The following LINGO2 variants were observed in gnomAD, a reference collection of about 807,000 sequenced individuals.
The protein encoded by LINGO2 is leucine rich repeat and Ig domain containing 2.
A neutral mutation model predicts 30.6 loss-of-function variants in LINGO2; 14 were observed. That is an observed-to-expected ratio of 0.46 (90% CI 0.30 to 0.72). LINGO2 has a LOEUF of 0.72. LINGO2 is among the 30% of genes least tolerant of loss of function. The probability of loss-of-function intolerance (pLI) is 0.07; values close to 1 mark genes in which losing one functional copy is unlikely to be tolerated. For missense variants in LINGO2, 729 were observed against 751.7 expected (o/e 0.97, Z 0.35); for synonymous variants, 317 against 288.5 (o/e 1.10, Z -1.00).
At chr9:28,287,451 T>A (rs974797141) in intron 4 of LINGO2, among the ~76,000 whole-genome samples, 11 of 152,212 alleles carry the variant, frequency 7.2e-5, no homozygotes, top group African/African-American at 2.7e-4. Flanking sequence ...CCTTAAAATA[T>A]CCCCTATTAT....
intron 1 of LINGO2, among the ~76,000 whole-genome samples, chr9:28,668,401 CTT>C (rs1212814085): frequency 6.6e-6 from 1 of 151,998 alleles, no homozygotes; most frequent in East Asian, 1.9e-4. Context: ...TTGCCTTAAA[CTT>C]CGGTTAAAAT....
chr9:28,178,360 G>A (rs1828805835), intron 4 of LINGO2, among the ~76,000 whole-genome samples: 2 of 152,082 alleles, frequency 1.3e-5, no homozygotes, highest in South Asian at 4.1e-4. Context: ...CTTGGAACAT[G>A]AAATGACTTA....
chr9:28,927,763 T>C, the LINGO2 span, among the ~76,000 whole-genome samples: 1 of 152,244 alleles, frequency 6.6e-6, no homozygotes, highest in African/African-American at 2.4e-5. Flanking sequence ...GGCATTTATA[T>C]ATGTTAATTC....
chr9:28,773,024 A>C, the LINGO2 span, among the ~76,000 whole-genome samples: 1 of 152,154 alleles, frequency 6.6e-6, no homozygotes, highest in African/African-American at 2.4e-5. Flanking sequence ...TAATCACATA[A>C]AAGTGAAATG....
the LINGO2 span, among the ~76,000 whole-genome samples, chr9:28,993,198 C>A: frequency 6.6e-6 from 1 of 151,924 alleles, no homozygotes; most frequent in Non-Finnish European, 1.5e-5. Context: ...CCACCAATCC[C>A]ACAGAAATAC....
intron 3 of LINGO2, among the ~76,000 whole-genome samples, chr9:28,313,115 A>G (rs1455271645): frequency 1.3e-5 from 2 of 151,860 alleles, no homozygotes; most frequent in Non-Finnish European, 2.9e-5. Context: ...TTAATCACTC[A>G]TTTCCTATAT....
intron 1 of LINGO2, among the ~76,000 whole-genome samples, chr9:28,561,169 C>A (rs1185574648): frequency 6.6e-6 from 1 of 151,962 alleles, no homozygotes; most frequent in Non-Finnish European, 1.5e-5. Context: ...CACTAATTTT[C>A]TCTTACCATA....
chr9:28,558,412 A>G (rs1822865467), intron 1 of LINGO2, among the ~76,000 whole-genome samples: 2 of 151,994 alleles, frequency 1.3e-5, no homozygotes, highest in South Asian at 2.1e-4. Context: ...TAGTATGCAT[A>G]TTCCTCCTTT....
At chr9:28,557,572 T>G (rs1307605124) in intron 1 of LINGO2, among the ~76,000 whole-genome samples, 12 of 152,078 alleles carry the variant, frequency 7.9e-5, no homozygotes, top group African/African-American at 2.7e-4. Flanking sequence ...GTTCAACCAT[T>G]GTGGAAGTCA....
rs116602995 is a variant in LINGO2 at position 28,060,978 on chromosome 9, T to C, written c.-86-48573A>G. On this transcript the variant is annotated intron_variant, in intron 4 of 5. Coordinates refer to ENST00000379992, the Ensembl canonical transcript of LINGO2. ...CAGATATCAATTTCAATCCCCATTTTTTAGAGAGGCTTTTCTTCCTCTCCC... is the reference window on the plus strand; with the variant it reads ...CAGATATCAATTTCAATCCCCATTTCTTAGAGAGGCTTTTCTTCCTCTCCC... Among the ~76,000 whole-genome samples the C allele has an allele frequency of 6.4e-3, 981 of 152,162 alleles. 20 individuals are homozygous for C. Among genetic ancestry groups the C allele is most frequent in the South Asian group, 0.048 (231 of 4,806 alleles).
At chr9:29,032,769 A>G in the LINGO2 span, among the ~76,000 whole-genome samples, 3 of 152,184 alleles carry the variant, frequency 2.0e-5, no homozygotes, top group African/African-American at 7.2e-5. Context: ...AAAATAAAAT[A>G]TTCAGTTCCT....
intron 1 of LINGO2, among the ~76,000 whole-genome samples, chr9:28,514,762 A>G (rs769288108): frequency 6.6e-6 from 1 of 152,202 alleles, no homozygotes; most frequent in Non-Finnish European, 1.5e-5. Context: ...TGGCTAAGAC[A>G]GTTGATGAAT....
At chr9:28,059,096 G>A (rs1825057124) in intron 4 of LINGO2, among the ~76,000 whole-genome samples, 1 of 152,108 alleles carries the variant, frequency 6.6e-6, no homozygotes, top group Non-Finnish European at 1.5e-5. Context: ...GAGGGAAACT[G>A]AGGCAGGGCT....
chr9:28,594,338 A>ATCATGGT (rs1383692385), intron 1 of LINGO2, among the ~76,000 whole-genome samples: 2 of 152,106 alleles, frequency 1.3e-5, no homozygotes, highest in Non-Finnish European at 2.9e-5. Flanking sequence ...TGCCAAAATT[A>ATCATGGT]TCATGGTTCA....
intron 4 of LINGO2, among the ~76,000 whole-genome samples, chr9:28,281,726 A>G (rs1205515109): frequency 6.6e-6 from 1 of 152,092 alleles, no homozygotes; most frequent in Non-Finnish European, 1.5e-5. Context: ...TATGTTACTG[A>G]TTGAATCACA....
intron 1 of LINGO2, among the ~76,000 whole-genome samples, chr9:28,577,196 A>G (rs1308397418): frequency 6.6e-6 from 1 of 152,180 alleles, no homozygotes; most frequent in Non-Finnish European, 1.5e-5. Flanking sequence ...TATTTAAATG[A>G]TTATTAGCTC....
At chr9:28,152,333 C>T (rs1280258869) in intron 4 of LINGO2, among the ~76,000 whole-genome samples, 1 of 152,090 alleles carries the variant, frequency 6.6e-6, no homozygotes, top group African/African-American at 2.4e-5. Flanking sequence ...TTCTTTCTCG[C>T]CATGTGACCT....
chr9:28,866,702 T>C, the LINGO2 span, among the ~76,000 whole-genome samples: 2 of 152,298 alleles, frequency 1.3e-5, no homozygotes, highest in East Asian at 3.9e-4. Context: ...GTGCTGTTAG[T>C]GTGAAAATCA....
chr9:28,802,836 C>A, the LINGO2 span, among the ~76,000 whole-genome samples: 2 of 151,988 alleles, frequency 1.3e-5, no homozygotes, highest in Admixed American at 6.6e-5. Flanking sequence ...GGCTCTAGTT[C>A]TCTCACTGCT....
Sources: allele counts gnomAD v4.1 joint callset (sites outside exome capture counted in the v4.1 genomes callset), GRCh38; gene constraint gnomAD v4.1.1; transcripts MANE v1.5; gene names NCBI Gene and HGNC (gene_info 2026-07-23, HGNC 2026-07-21).